The following LARP4B variants were observed in gnomAD, a reference collection of about 807,000 sequenced individuals.
LARP4B encodes La ribonucleoprotein 4B.
Under a neutral mutation model 89.8 loss-of-function variants are expected in LARP4B, and 12 were observed. The observed-to-expected ratio is 0.13, with a 90% CI of 0.09 to 0.22. The LOEUF is 0.22. Ranked by LOEUF, LARP4B falls within the 10% of genes least tolerant of loss-of-function variation. The pLI is 1.00. For synonymous variants in LARP4B, 367 were observed against 363.3 expected, an observed-to-expected ratio of 1.01 and a Z score of -0.12; for missense variants, 757 against 947.7, an observed-to-expected ratio of 0.80 and a Z score of 2.64.
chr10:985,106 A>C, the LARP4B span: 1 of 152,158 alleles, frequency 6.6e-6, no homozygotes, highest in Non-Finnish European at 1.5e-5. Context: ...GCACTCAACC[A>C]CCTCAAAGCC....
intron 8 of LARP4B, among the ~76,000 whole-genome samples, chr10:835,776 T>C (rs1833179386): frequency 6.6e-6 from 1 of 152,004 alleles, no homozygotes; most frequent in Non-Finnish European, 1.5e-5. Flanking sequence ...CTACTAAACA[T>C]AGAAAAATTA....
chr10:868,867 T>G (rs1835047943), intron 3 of LARP4B, among the ~76,000 whole-genome samples: 1 of 152,242 alleles, frequency 6.6e-6, no homozygotes, highest in Non-Finnish European at 1.5e-5. Context: ...TACTTTTCCT[T>G]GCTTCATTGC....
chr10:979,468 C>G, the LARP4B span, among the ~76,000 whole-genome samples: 3 of 152,212 alleles, frequency 2.0e-5, no homozygotes, highest in Non-Finnish European at 4.4e-5. Context: ...CTCTCACTCC[C>G]TTTCTGCAGG....
chr10:936,475 G>T (rs1224206000), upstream of LARP4B, among the ~76,000 whole-genome samples: 1 of 152,126 alleles, frequency 6.6e-6, no homozygotes, highest in Non-Finnish European at 1.5e-5. Flanking sequence ...ATCCCAGCAT[G>T]TTGGGAGGCC....
chr10:862,964 A>C (rs1451316530), intron 5 of LARP4B, among the ~76,000 whole-genome samples: 1 of 152,158 alleles, frequency 6.6e-6, no homozygotes, highest in Non-Finnish European at 1.5e-5. Context: ...CCTCCAAGCC[A>C]TTCTTTCACA....
At chr10:815,259 C>A in intron 15 of LARP4B, 189 bp from the exon 16 acceptor site, 1 of 475,410 alleles carries the variant, frequency 2.1e-6, no homozygotes, top group Non-Finnish European at 3.5e-6. Flanking sequence ...GCCCACCCTT[C>A]TCTTTCTCGG....
At chr10:838,824 A>C (rs1205501738) in intron 7 of LARP4B, among the ~76,000 whole-genome samples, 1 of 152,236 alleles carries the variant, frequency 6.6e-6, no homozygotes, top group East Asian at 1.9e-4. Flanking sequence ...TGTTTATAGC[A>C]ACTTTACTCA....
intron 17 of LARP4B, 85 bp from the exon 18 acceptor site, chr10:813,298 A>T: frequency 7.5e-7 from 1 of 1,332,288 alleles, no homozygotes; most frequent in Non-Finnish European, 1.0e-6. Context: ...AAGATAAAAG[A>T]GTTTTCAACT....
At chr10:934,265 G>A (rs1294751781), upstream of LARP4B, among the ~76,000 whole-genome samples, 1 of 151,980 alleles carries the variant, frequency 6.6e-6, no homozygotes, top group Non-Finnish European at 1.5e-5. Context: ...AGGAGGCCAA[G>A]GCAGGCAGAT....
At chr10:835,861 A>C (rs1394693358) in intron 8 of LARP4B, among the ~76,000 whole-genome samples, 1 of 151,540 alleles carries the variant, frequency 6.6e-6, no homozygotes, top group Non-Finnish European at 1.5e-5. Context: ...TGAGCCTGGG[A>C]GATGGAGTTT....
At chr10:935,722 CTTTTTTTTTTTTTT>C (rs10711022), upstream of LARP4B, among the ~76,000 whole-genome samples, 1 of 83,920 alleles carries the variant, frequency 1.2e-5, no homozygotes, top group Non-Finnish European at 2.3e-5. Flanking sequence ...CTTTTCTTTT[CTTTTTTTTTTTTTT>C]TTTTTTGAGT....
At chr10:924,120 A>G (rs1837067991) in intron 1 of LARP4B, among the ~76,000 whole-genome samples, 2 of 152,178 alleles carry the variant, frequency 1.3e-5, no homozygotes, top group South Asian at 4.2e-4. Flanking sequence ...GCATGCACCC[A>G]TGGGTCCCAG....
At position 812,969 on chromosome 10, in the gene LARP4B, C is replaced by T. The variant is rs199947494; in HGVS notation, c.2174G>A (p.Arg725His). ...GGGAGTGCTCTGCTCTCGGCTGAGA[C>T]GCTTCCCCATGGCCGAGGGCGAGGG... Reference protein sequence around the residue: ...GRPSPSAMGKRLSREQSTPPK... With the variant: ...GRPSPSAMGKHLSREQSTPPK... The change falls in exon 18 of 18, where the codon CGT (arginine) becomes CAT (histidine). Residue 725 changes from arginine (R) to histidine (H), a missense_variant. By Grantham distance (29) the Arg-to-His change is conservative. Coordinates refer to ENST00000316157, the MANE Select transcript of LARP4B (RefSeq NM_015155.3). 111 of 1,571,634 alleles carry T rather than the reference C, an allele frequency of 7.1e-5. 1 individual carries two copies. The East Asian group carries it at 8.7e-4, about 12-fold the overall frequency.
At chr10:979,360 C>G in the LARP4B span, among the ~76,000 whole-genome samples, 1 of 152,192 alleles carries the variant, frequency 6.6e-6, no homozygotes, top group Non-Finnish European at 1.5e-5. Context: ...CTTCTACAGA[C>G]TGGATGTCCA....
At chr10:876,332 C>G (rs1005044866) in intron 3 of LARP4B, among the ~76,000 whole-genome samples, 1 of 151,964 alleles carries the variant, frequency 6.6e-6, no homozygotes, top group Admixed American at 6.6e-5. Context: ...CTGCAGTGAG[C>G]AGATATCACA....
intron 8 of LARP4B, among the ~76,000 whole-genome samples, chr10:832,314 A>T (rs977342421): frequency 6.6e-6 from 1 of 152,228 alleles, no homozygotes; most frequent in Non-Finnish European, 1.5e-5. Context: ...AAGTGCTGGG[A>T]TTACAGGCAT....
intron 6 of LARP4B, among the ~76,000 whole-genome samples, chr10:843,476 A>G (rs1833628625): frequency 6.6e-6 from 1 of 152,214 alleles, no homozygotes; most frequent in East Asian, 1.9e-4. Context: ...AGGTAGGCAG[A>G]TCATCTGGGT....
chr10:826,754 T>C (rs1458728511), intron 11 of LARP4B, among the ~76,000 whole-genome samples: 2 of 152,118 alleles, frequency 1.3e-5, no homozygotes, highest in East Asian at 3.9e-4. Context: ...ACACCCTCAA[T>C]GTCACTAAAG....
chr10:862,526 C>T (rs576282509), intron 5 of LARP4B, among the ~76,000 whole-genome samples: 60 of 152,142 alleles, frequency 3.9e-4, no homozygotes, highest in Middle Eastern at 3.4e-3. Context: ...CATGAGAGGC[C>T]GAGGCGGGCA....
Sources: gnomAD v4.1 joint callset for allele counts (sites outside exome capture counted in the v4.1 genomes callset) on GRCh38, gnomAD v4.1.1 for gene constraint, MANE v1.5 for transcripts, NCBI Gene and HGNC (gene_info 2026-07-23, HGNC 2026-07-21) for gene names.